The following CPAMD8 variants were observed in gnomAD, a reference collection of about 807,000 sequenced individuals.
CPAMD8 encodes C3 and PZP-like alpha-2-macroglobulin domain-containing protein 8.
CPAMD8 carries 146 observed loss-of-function variants against 224.7 expected under a neutral mutation model. The observed-to-expected ratio is 0.65, with a 90% CI of 0.57 to 0.75. CPAMD8 has a LOEUF of 0.75. Among genes scored for constraint, CPAMD8 ranks in the 30% least tolerant of loss-of-function variants. The pLI, the probability that CPAMD8 is intolerant of heterozygous loss-of-function variation, is 0.00. For missense variants in CPAMD8, 2,301 were observed against 2,537.5 expected (o/e 0.91, Z 2.00); for synonymous variants, 966 against 1,044.6 (o/e 0.92, Z 1.45).
At chr19:16,961,186 A>G (rs981143718) in intron 18 of CPAMD8, among the ~76,000 whole-genome samples, 3 of 152,194 alleles carry the variant, frequency 2.0e-5, no homozygotes, top group Admixed American at 6.5e-5. Context: ...CAGCCCATGA[A>G]GGATGAGCCG....
intron 22 of CPAMD8, among the ~76,000 whole-genome samples, chr19:16,942,314 T>A (rs1304370530): frequency 6.6e-6 from 1 of 151,854 alleles, no homozygotes; most frequent in African/African-American, 2.4e-5. Flanking sequence ...ATACAAAAAT[T>A]AGCCAGGTGT....
Position 16,938,393 on chromosome 19 carries a change from A to G in CPAMD8, c.2845+2T>C. On this transcript the variant is annotated splice_donor_variant, in intron 23 of 41. Coordinates refer to ENST00000443236, the MANE Select transcript of CPAMD8 (RefSeq NM_015692.5). LOFTEE classifies it high-confidence loss of function. ...TTAGCAGAATGGGCACGGGGGACTC[A>G]CCACTGGGACAGAAGAATGCGCTGT... 6.5e-7 allele frequency: 1 copy of G among 1,541,540 alleles called. No individual in the cohort carries two copies. Among genetic ancestry groups the G allele is most frequent in the Non-Finnish European group, 8.7e-7 (1 of 1,147,198 alleles).
intron 23 of CPAMD8, among the ~76,000 whole-genome samples, chr19:16,935,347 TACTAA>T (rs2053653329): frequency 6.6e-6 from 1 of 152,162 alleles, no homozygotes; most frequent in East Asian, 1.9e-4. Context: ...ACAGTCAAGG[TACTAA>T]ACATTCCCAA....
At chr19:16,961,432 C>T (rs897032169) in intron 18 of CPAMD8, among the ~76,000 whole-genome samples, 12 of 152,248 alleles carry the variant, frequency 7.9e-5, no homozygotes, top group Non-Finnish European at 1.3e-4. Context: ...AGTCTGAGAT[C>T]GAACTGCGAC....
At chr19:16,926,873 G>A (rs2053383428) in intron 25 of CPAMD8, among the ~76,000 whole-genome samples, 1 of 151,990 alleles carries the variant, frequency 6.6e-6, no homozygotes, top group Non-Finnish European at 1.5e-5. Flanking sequence ...ACTTGCTCTC[G>A]TGCCTCAGGA....
intron 12 of CPAMD8, among the ~76,000 whole-genome samples, chr19:16,992,963 G>A (rs890579126): frequency 4.6e-5 from 7 of 151,448 alleles, no homozygotes; most frequent in Non-Finnish European, 5.9e-5. Flanking sequence ...TCACTCTTTC[G>A]CCTGACACTG....
chr19:16,990,871 A>AAAAAAAAAAAAG (rs2055924100), intron 12 of CPAMD8, among the ~76,000 whole-genome samples: 1 of 54,500 alleles, frequency 1.8e-5, no homozygotes, highest in Non-Finnish European at 4.3e-5. Flanking sequence ...CTCAAAAAAA[A>AAAAAAAAAAAAG]AAAAAAAAAA....
chr19:17,016,065 T>C (rs752382504), intron 3 of CPAMD8, among the ~76,000 whole-genome samples: 3 of 152,190 alleles, frequency 2.0e-5, no homozygotes, highest in Non-Finnish European at 2.9e-5. Flanking sequence ...TACCTTGGCC[T>C]ACTGAGTGGC....
At chr19:16,912,617 C>A (rs2052770175) in intron 29 of CPAMD8, among the ~76,000 whole-genome samples, 1 of 152,146 alleles carries the variant, frequency 6.6e-6, no homozygotes, top group African/African-American at 2.4e-5. Context: ...GATGCAGTGG[C>A]ACATGCCTGT....
chr19:16,977,592 C>T, intron 14 of CPAMD8, 52 bp from the exon 15 acceptor site: 2 of 1,397,838 alleles, frequency 1.4e-6, no homozygotes, highest in South Asian at 1.3e-5. Flanking sequence ...ATCCGACATG[C>T]AACCTCAGCC....
At chr19:16,918,986 T>A (rs570364086) in intron 27 of CPAMD8, among the ~76,000 whole-genome samples, 3 of 152,142 alleles carry the variant, frequency 2.0e-5, no homozygotes, top group African/African-American at 7.2e-5. Context: ...GCAGATCACC[T>A]GAGGTCAGGA....
At chr19:16,983,284 C>A (rs996760706) in intron 13 of CPAMD8, among the ~76,000 whole-genome samples, 1 of 152,066 alleles carries the variant, frequency 6.6e-6, no homozygotes, top group African/African-American at 2.4e-5. Context: ...TGCTTGTAAT[C>A]CCAGCCCAGG....
At chr19:16,957,690 G>T in intron 19 of CPAMD8, 163 bp downstream of exon 19, 2 of 690,736 alleles carry the variant, frequency 2.9e-6, no homozygotes, top group South Asian at 3.6e-5. Context: ...GGGACTCAAG[G>T]CTGGCTTCAT....
At chr19:17,021,167 G>A (rs375139012) in intron 2 of CPAMD8, among the ~76,000 whole-genome samples, 115 of 152,300 alleles carry the variant, frequency 7.6e-4, no homozygotes, top group African/African-American at 2.6e-3. Context: ...TGCTTCCCCT[G>A]ATCTTAAGGA....
At chr19:17,009,446 T>C in intron 5 of CPAMD8, 126 bp from the exon 6 acceptor site, 2 of 1,513,242 alleles carry the variant, frequency 1.3e-6, no homozygotes, top group East Asian at 4.6e-5. Context: ...AGTGTCCCCC[T>C]AGATTACATC....
intron 13 of CPAMD8, among the ~76,000 whole-genome samples, chr19:16,984,107 T>C (rs1006075353): frequency 1.3e-5 from 2 of 152,032 alleles, no homozygotes; most frequent in Non-Finnish European, 1.5e-5. Context: ...GGGGAAAGCA[T>C]AGTCTTTTTA....
At position 16,975,377 on chromosome 19, in the gene CPAMD8, G is replaced by A; in HGVS notation, c.1909-119C>T. The A allele has an allele frequency of 6.6e-6, 5 of 756,366 alleles. No homozygotes were observed. In the South Asian group the frequency reaches 8.7e-5, roughly 13 times the overall value. The allele number at this position is 756,366 out of a possible 1,614,324, so 46.9% of individuals were successfully genotyped here. On this transcript the variant is annotated intron_variant, in intron 16 of 41. Transcript: ENST00000443236. ...CTTTATCACGTCATGACAACCTCCA[G>A]GAGATGGGCACTGGTAGCATCAGCC...
At chr19:17,020,664 T>A (rs901013943) in intron 2 of CPAMD8, among the ~76,000 whole-genome samples, 50 of 151,586 alleles carry the variant, frequency 3.3e-4, no homozygotes, top group African/African-American at 1.2e-3. Flanking sequence ...GTGAGGGGAG[T>A]AATGGGAAAA....
In CPAMD8 at chr19:16,950,682, A is replaced by G. The variant is rs372288557; in HGVS notation, c.2508+1287T>C. On this transcript the variant is annotated intron_variant, in intron 20 of 41. Coordinates refer to ENST00000443236, the MANE Select transcript of CPAMD8 (RefSeq NM_015692.5). The stretch of plus-strand genomic sequence containing the variant: ...GTGGTGCACACCTGTAGTCCCATCT[A>G]CTTGAGAGGCTGAGGAGGGGGGATT... 1.9e-4 allele frequency among the ~76,000 whole-genome samples: 29 copies of G among 151,058 alleles called. No individual in the cohort carries two copies. The East Asian group carries it at 3.3e-3, about 17-fold the overall frequency.
Sources: allele counts gnomAD v4.1 joint callset (sites outside exome capture counted in the v4.1 genomes callset), GRCh38; gene constraint gnomAD v4.1.1; transcripts MANE v1.5; gene names NCBI Gene and HGNC (gene_info 2026-07-23, HGNC 2026-07-21).